TTC7A: variants seen among roughly 807,000 people sequenced by gnomAD.
TTC7A encodes the protein tetratricopeptide repeat domain 7A.
A neutral mutation model predicts 103.7 loss-of-function variants in TTC7A; 110 were observed. That is an observed-to-expected ratio of 1.06 (90% CI 0.91 to 1.24). TTC7A has a LOEUF of 1.24. Ranked by LOEUF, TTC7A falls within the 50% of genes most tolerant of loss-of-function variation. The pLI, the probability that TTC7A is intolerant of heterozygous loss-of-function variation, is 0.00. For synonymous variants in TTC7A, 521 were observed against 467.9 expected (o/e 1.11, Z -1.47); for missense variants, 1,340 against 1,116.3 (o/e 1.20, Z -2.86).
chr2:46,921,620 T>C (rs1379323639), intron 2 of TTC7A, among the ~76,000 whole-genome samples: 2 of 152,194 alleles, frequency 1.3e-5, no homozygotes, highest in East Asian at 1.9e-4. Flanking sequence ...CATTAAACTC[T>C]ATCAACAAAA....
intron 5 of TTC7A, among the ~76,000 whole-genome samples, chr2:46,981,870 G>T (rs762216323): frequency 3.9e-5 from 6 of 152,248 alleles, no homozygotes; most frequent in Admixed American, 6.5e-5. Flanking sequence ...TGTCCAGAAT[G>T]TGGAACAGGC....
chr2:47,003,215 A>AG (rs1346091821), intron 8 of TTC7A, among the ~76,000 whole-genome samples: 1 of 152,088 alleles, frequency 6.6e-6, no homozygotes, highest in Non-Finnish European at 1.5e-5. Context: ...TCTGTGCGTG[A>AG]GGCTGTGCCT....
rs548627165 is a variant in TTC7A, at chr2:46,993,681, C to G, written c.843+153C>G. ...TGGTAATCAATCTCAGCATCCTTTC[C>G]CACGCAGCCAGGGAGGTGCGGCCTC... On this transcript the variant is annotated intron_variant, in intron 6 of 19. Coordinates refer to ENST00000319190, the MANE Select transcript of TTC7A (RefSeq NM_020458.4). Among the ~76,000 whole-genome samples, 10 of 152,280 alleles carry G rather than the reference C, an allele frequency of 6.6e-5. No individual in the cohort carries two copies. The East Asian group carries it at 1.9e-3, about 29-fold the overall frequency.
Position 47,004,303 on chromosome 2 carries a change from C to T in TTC7A, c.1066-1619C>T, listed in dbSNP as rs1241041906. On this transcript the variant is annotated intron_variant, in intron 8 of 19. Coordinates refer to ENST00000319190, the MANE Select transcript of TTC7A (RefSeq NM_020458.4). ...TCCTTGGGTCTTGGAGGTGTTTTGG[C>T]TTCCAGAGGCTTCTGGGAGGACTCC... Among the ~76,000 whole-genome samples the T allele has an allele frequency of 2.0e-5, 3 of 152,322 alleles. No individual in the cohort carries two copies. In the East Asian group the frequency reaches 5.8e-4, roughly 29 times the overall value.
intron 18 of TTC7A, among the ~76,000 whole-genome samples, chr2:47,055,992 G>A (rs935463214): frequency 6.6e-6 from 1 of 151,802 alleles, no homozygotes; most frequent in African/African-American, 2.4e-5. Flanking sequence ...CCTCTTCCCT[G>A]GCTCCAGCTT....
At position 47,038,945 on chromosome 2, in the gene TTC7A, C is replaced by G. The variant is rs545954951; in HGVS notation, c.1803-7370C>G. Among the ~76,000 whole-genome samples, 9 of 152,206 alleles carry G rather than the reference C, an allele frequency of 5.9e-5. No individual in the cohort carries two copies. The South Asian group carries it at 6.2e-4, about 11-fold the overall frequency. The stretch of plus-strand genomic sequence containing the variant: ...ACAAAGATAAGAAAGACCTAGTTCT[C>G]CCCCAGATGAAGGAAGGATCTCGCA... On this transcript the variant is annotated intron_variant, in intron 15 of 19. Transcript: ENST00000319190.
chr2:47,014,499 TTC>T (rs1272654663), intron 11 of TTC7A, among the ~76,000 whole-genome samples: 1 of 152,196 alleles, frequency 6.6e-6, no homozygotes, highest in Non-Finnish European at 1.5e-5. Flanking sequence ...GGCCCCATCC[TTC>T]TGCTGGGTTC....
intron 1 of TTC7A, among the ~76,000 whole-genome samples, chr2:46,947,426 C>G (rs974885525): frequency 2.0e-5 from 3 of 152,074 alleles, no homozygotes; most frequent in African/African-American, 7.2e-5. Context: ...TCTTTAAATT[C>G]CAAATCTGGC....
chr2:46,998,211 C>A (rs553795827), intron 8 of TTC7A, among the ~76,000 whole-genome samples: 1 of 152,264 alleles, frequency 6.6e-6, no homozygotes, highest in East Asian at 1.9e-4. Context: ...TACGCACACC[C>A]AGCCTGTTAG....
chr2:47,048,007 G>A (rs1468473079), intron 16 of TTC7A, among the ~76,000 whole-genome samples: 1 of 152,162 alleles, frequency 6.6e-6, no homozygotes, highest in African/African-American at 2.4e-5. Flanking sequence ...ACCACAGCCT[G>A]CAGGTCTGGC....
chr2:47,012,892 A>C (rs1678231757), intron 11 of TTC7A, among the ~76,000 whole-genome samples: 1 of 152,196 alleles, frequency 6.6e-6, no homozygotes, highest in Admixed American at 6.5e-5. Flanking sequence ...AAAGTGTGGC[A>C]TCTGGCTCGT....
chr2:46,927,355 A>ATTTTTTTT (rs60808815), intron 2 of TTC7A, among the ~76,000 whole-genome samples: 1 of 132,878 alleles, frequency 7.5e-6, no homozygotes, highest in Non-Finnish European at 1.6e-5. Context: ...AGAAAAAAAG[A>ATTTTTTTT]TTTTTTTTTT....
rs1047181334 is a variant in TTC7A at position 46,950,630 on chromosome 2, C to A, written c.348+104C>A. The stretch of plus-strand genomic sequence containing the variant: ...ATTTGGTCACCTGAGCAACAAGTCT[C>A]TCTTACAAGCTGCCCTTGCACTTAC... On this transcript the variant is annotated intron_variant, in intron 2 of 19. Coordinates refer to ENST00000319190, the MANE Select transcript of TTC7A (RefSeq NM_020458.4). 5.5e-6 allele frequency: 7 copies of A among 1,279,790 alleles called. No individual in the cohort carries two copies. The African/African-American group carries it at 1.0e-4, about 19-fold the overall frequency. 79.3% of individuals were successfully genotyped at this position (1,279,790 alleles called of 1,614,324 possible).
intron 3 of TTC7A, chr2:46,974,609 G>C (rs1401568061): frequency 2.2e-6 from 1 of 454,226 alleles, no homozygotes; most frequent in East Asian, 6.9e-5. Flanking sequence ...GTAGGAAATG[G>C]GGAACTAGGG....
chr2:47,047,280 C>A (rs867821465), intron 16 of TTC7A: 2 of 1,548,964 alleles, frequency 1.3e-6, no homozygotes, highest in Middle Eastern at 1.7e-4. Flanking sequence ...TTTAGGAGCC[C>A]AGAAGGCTTC....
chr2:47,058,160 C>G (rs904805391), intron 18 of TTC7A, among the ~76,000 whole-genome samples: 9 of 152,166 alleles, frequency 5.9e-5, no homozygotes, highest in African/African-American at 2.2e-4. Context: ...ACCCCATTTC[C>G]TCTGCTCTCT....
intron 1 of TTC7A, among the ~76,000 whole-genome samples, chr2:46,950,161 A>G (rs1401597993): frequency 6.6e-6 from 1 of 152,160 alleles, no homozygotes; most frequent in Non-Finnish European, 1.5e-5. Context: ...CCAAGGGGCA[A>G]TTTGTATTGT....
chr2:47,030,871 C>T (rs886716816), intron 15 of TTC7A, among the ~76,000 whole-genome samples: 13 of 152,322 alleles, frequency 8.5e-5, no homozygotes, highest in African/African-American at 1.9e-4. Context: ...AAAGGCCAGG[C>T]GCAGTGGCTC....
intron 5 of TTC7A, among the ~76,000 whole-genome samples, chr2:46,987,809 C>CGTGTGTGTGTGTGTGTGTGTGT (rs34664382): frequency 2.8e-5 from 4 of 144,648 alleles, no homozygotes; most frequent in African/African-American, 7.8e-5. Context: ...CCTTTCCGCG[C>CGTGTGTGTGTGTGTGTGTGTGT]GTGTGTGTGT....
Sources: gnomAD v4.1 joint callset for allele counts (sites outside exome capture counted in the v4.1 genomes callset) on GRCh38, gnomAD v4.1.1 for gene constraint, MANE v1.5 for transcripts, NCBI Gene and HGNC (gene_info 2026-07-23, HGNC 2026-07-21) for gene names.